Variants in AGO3 observed in about 807,000 individuals in gnomAD.
The protein encoded by AGO3 is argonaute RISC catalytic component 3, also known as protein argonaute-3.
A neutral mutation model predicts 105.5 loss-of-function variants in AGO3; 16 were observed. The ratio of observed to expected loss-of-function variants is 0.15; its 90% CI spans 0.10 to 0.23. AGO3 has a LOEUF of 0.23. Ranked by LOEUF, AGO3 falls within the 10% of genes least tolerant of loss-of-function variation. The probability of loss-of-function intolerance (pLI) is 1.00; values close to 1 mark genes in which losing one functional copy is unlikely to be tolerated. For missense variants in AGO3, 534 were observed against 1,088.0 expected (o/e 0.49, Z 7.16); for synonymous variants, 340 against 367.3 (o/e 0.93, Z 0.85).
chr1:35,941,292 T>C (rs1392812926), intron 1 of AGO3, among the ~76,000 whole-genome samples: 2 of 139,776 alleles, frequency 1.4e-5, no homozygotes, highest in African/African-American at 4.9e-5. Context: ...ACTGTACTAC[T>C]GTAGTTCTAG....
chr1:36,039,568 A>C (rs1465516192), intron 14 of AGO3, among the ~76,000 whole-genome samples: 2 of 151,442 alleles, frequency 1.3e-5, no homozygotes, highest in Non-Finnish European at 2.9e-5. Flanking sequence ...GCTGGCCTTA[A>C]ATTCCTGGGC....
Position 36,008,596 on chromosome 1 carries a change from A to G in AGO3, c.794-94A>G, listed in dbSNP as rs552137192. On this transcript the variant is annotated intron_variant, in intron 6 of 18. Coordinates refer to ENST00000373191, the MANE Select transcript of AGO3 (RefSeq NM_024852.4). The surrounding 1 kb of genome is among the most constrained non-coding windows in gnomAD (Gnocchi z 5.1). ...GTATCACAGAATTTTTTGTCTGTTC[A>G]GAATTGAGTTTTTATGGTAATGAAC... 18 of 1,203,968 alleles carry G rather than the reference A, an allele frequency of 1.5e-5. No individual in the cohort carries two copies. The Admixed American group carries it at 3.9e-4, about 26-fold the overall frequency. 74.6% of individuals were successfully genotyped at this position (1,203,968 alleles called of 1,614,324 possible).
rs763872782 is a variant in AGO3, at chr1:36,013,968, A to G, written c.1326A>G (p.Gln442=). ...SHGVWDMRGK[Q]FHTGVEIKMW... Reference sequence around the variant, plus strand: ...GAGTATGGGACATGCGAGGGAAACAATTCCACACAGGAGTTGAAATCAAAA... The same window carrying G: ...GAGTATGGGACATGCGAGGGAAACAGTTCCACACAGGAGTTGAAATCAAAA... Residue 442 remains glutamine, a synonymous_variant, in exon 11 of 19, where the codon CAA becomes CAG. Transcript: ENST00000373191. The G allele has an allele frequency of 1.1e-5, 18 of 1,614,098 alleles. No homozygotes were observed. The South Asian group carries it at 1.8e-4, about 16-fold the overall frequency.
chr1:36,065,669 G>T lies in AGO3; in HGVS notation c.*9924G>T, dbSNP rs1468694602. 1.3e-5 allele frequency: 2 copies of T among 152,206 alleles called. No individual in the cohort carries two copies. Among genetic ancestry groups the T allele is most frequent in the Non-Finnish European group, 2.9e-5 (2 of 68,122 alleles). 9.4% of individuals were successfully genotyped at this position (152,206 alleles called of 1,614,324 possible). A position where few individuals can be genotyped will look rare whatever the true frequency, so the allele number is the denominator to read the frequency against. On this transcript the variant is annotated 3_prime_UTR_variant, in exon 19 of 19. Transcript: ENST00000373191. ...CTGTGTTTTCTTTTTCCTTCTGAAA[G>T]TTCATAGAAACCTGGCATATAGAGC...
chr1:35,982,894 A>G (rs1647079378), intron 5 of AGO3: 1 of 413,014 alleles, frequency 2.4e-6, no homozygotes, highest in African/African-American at 2.1e-5. Flanking sequence ...CAAATAAACT[A>G]CAAGCCTGGC....
rs951253330 is a variant in AGO3, at chr1:36,068,811, A to C, written c.*13066A>C. On this transcript the variant is annotated 3_prime_UTR_variant, in exon 19 of 19. Coordinates refer to ENST00000373191, the MANE Select transcript of AGO3 (RefSeq NM_024852.4). ...TATGTGCAAAATATTGTGTAAAAAT[A>C]GTTTAAAACTCATCCCAGTTCCTAG... 6 of 152,244 alleles carry C rather than the reference A, an allele frequency of 3.9e-5. No homozygotes were observed. Among genetic ancestry groups the C allele is most frequent in the African/African-American group, 9.6e-5 (4 of 41,468 alleles). The allele number at this position is 152,244 out of a possible 1,614,324, so 9.4% of individuals were successfully genotyped here. A position where few individuals can be genotyped will look rare whatever the true frequency, so the allele number is the denominator to read the frequency against.
chr1:36,008,383 A>G lies in AGO3; in HGVS notation c.794-307A>G, dbSNP rs1233604549. On this transcript the variant is annotated intron_variant, in intron 6 of 18. Transcript: ENST00000373191. The surrounding 1 kb of genome is among the most constrained non-coding windows in gnomAD (Gnocchi z 5.1). The stretch of plus-strand genomic sequence containing the variant: ...CCCAGCATAAATACCTGAATTTATT[A>G]TAAACAGGATTTTTTATTAATGGAA... 6.6e-6 allele frequency among the ~76,000 whole-genome samples: 1 copy of G among 152,182 alleles called. No homozygotes were observed. The highest frequency in any genetic ancestry group is 2.4e-5 in the African/African-American group (1 of 41,438).
intron 1 of AGO3, 27 bp from the exon 2 acceptor site, chr1:35,945,663 ACT>A: frequency 1.9e-6 from 3 of 1,603,672 alleles, no homozygotes; most frequent in East Asian, 2.2e-5. Context: ...TGTAACTGTG[ACT>A]CTTTTTTTTT....
chr1:36,055,886 A>G lies in AGO3; in HGVS notation c.*141A>G, dbSNP rs1307486364. ...GTGTGGGGGCCAAGGTCTGATCCTT[A>G]TGTTAATACAAGGAAGATTGTTTAC... On this transcript the variant is annotated 3_prime_UTR_variant, in exon 19 of 19. Transcript: ENST00000373191. This position sits in a 1 kb window ranked among gnomAD's most constrained non-coding sequence, Gnocchi z 4.4. 2 of 669,178 alleles carry G rather than the reference A, an allele frequency of 3.0e-6. No individual in the cohort carries two copies. Among genetic ancestry groups the G allele is most frequent in the African/African-American group, 1.8e-5 (1 of 55,264 alleles). The allele number at this position is 669,178 out of a possible 1,614,324, so 41.5% of individuals were successfully genotyped here.
At chr1:35,972,932 A>G (rs188980962) in intron 4 of AGO3, among the ~76,000 whole-genome samples, 2 of 149,018 alleles carry the variant, frequency 1.3e-5, no homozygotes, top group Admixed American at 1.4e-4. Context: ...CCTGGACTCA[A>G]GTAATCCTCT....
chr1:36,021,492 A>G (rs1641220493), intron 11 of AGO3, among the ~76,000 whole-genome samples: 1 of 152,160 alleles, frequency 6.6e-6, no homozygotes, highest in Non-Finnish European at 1.5e-5. Context: ...TTATAAAAAT[A>G]TAACTCGATG....
At chr1:36,054,047 G>A (rs942448500) in intron 17 of AGO3, among the ~76,000 whole-genome samples, 4 of 151,744 alleles carry the variant, frequency 2.6e-5, no homozygotes, top group African/African-American at 9.7e-5. Flanking sequence ...ATGTTGCCTA[G>A]GCTAGTCACA....
At chr1:35,979,372 A>G (rs1647009357) in intron 5 of AGO3, among the ~76,000 whole-genome samples, 1 of 152,084 alleles carries the variant, frequency 6.6e-6, no homozygotes, top group Non-Finnish European at 1.5e-5. Flanking sequence ...CAGAAAAAAA[A>G]AAATGTGGTT....
At chr1:36,049,208 CA>C (rs914397358) in intron 17 of AGO3, among the ~76,000 whole-genome samples, 2 of 151,622 alleles carry the variant, frequency 1.3e-5, no homozygotes, top group Non-Finnish European at 2.9e-5. Context: ...GAGAGGAGGG[CA>C]GGGGGGATGG....
chr1:35,961,212 A>G (rs1427039978), intron 2 of AGO3, among the ~76,000 whole-genome samples: 1 of 151,936 alleles, frequency 6.6e-6, no homozygotes, highest in African/African-American at 2.4e-5. Flanking sequence ...CGGCCCCCCA[A>G]AGTGGTGGGA....
intron 1 of AGO3, among the ~76,000 whole-genome samples, chr1:35,933,431 C>T (rs1646090142): frequency 6.6e-6 from 1 of 151,750 alleles, no homozygotes; most frequent in East Asian, 1.9e-4. Flanking sequence ...TCGCTTGAGC[C>T]CAGCAGTTGG....
At chr1:36,044,416 T>TTTTG (rs201290931) in intron 17 of AGO3, among the ~76,000 whole-genome samples, 2,029 of 151,620 alleles carry the variant, frequency 0.013, 15 homozygotes, top group African/African-American at 0.027. Context: ...TGTTGTTTTG[T>TTTTG]TTTGTTTGTT....
intron 17 of AGO3, among the ~76,000 whole-genome samples, chr1:36,047,627 C>T (rs1642530281): frequency 6.6e-6 from 1 of 152,112 alleles, no homozygotes; most frequent in East Asian, 1.9e-4. Context: ...CACCTGTAAT[C>T]CCAACACTTT....
intron 2 of AGO3, among the ~76,000 whole-genome samples, chr1:35,960,866 A>C: frequency 6.6e-6 from 1 of 152,084 alleles, no homozygotes; most frequent in East Asian, 1.9e-4. Flanking sequence ...AAGTGTAATT[A>C]TTCATAAAAG....
Sources: gnomAD v4.1 joint callset for allele counts (sites outside exome capture counted in the v4.1 genomes callset) on GRCh38, gnomAD v4.1.1 for gene constraint, Gnocchi (gnomAD v3.1) non-coding constraint, MANE v1.5 for transcripts, NCBI Gene and HGNC (gene_info 2026-07-23, HGNC 2026-07-21) for gene names.